Variants in ATP13A5 observed in about 807,000 individuals in gnomAD.
The protein encoded by ATP13A5 is probable cation-transporting ATPase 13A5.
Under a neutral mutation model 150.2 loss-of-function variants are expected in ATP13A5, and 149 were observed. That is an observed-to-expected ratio of 0.99 (90% CI 0.87 to 1.14). The LOEUF (loss-of-function observed/expected upper bound fraction) is 1.14. Ranked by LOEUF, ATP13A5 falls within the 50% of genes most tolerant of loss-of-function variation. ATP13A5 has a pLI of 0.00. For missense variants in ATP13A5, 1,383 were observed against 1,449.3 expected (o/e 0.95, Z 0.74); for synonymous variants, 497 against 522.2 (o/e 0.95, Z 0.66).
intron 7 of ATP13A5, among the ~76,000 whole-genome samples, chr3:193,348,159 G>A (rs1712421827): frequency 1.3e-5 from 2 of 152,186 alleles, no homozygotes; most frequent in African/African-American, 4.8e-5. Flanking sequence ...GCTAGGAGAA[G>A]GCAAACCCTG....
At chr3:193,344,857 T>C (rs1359714811) in intron 8 of ATP13A5, 146 bp downstream of exon 8, 1 of 766,116 alleles carries the variant, frequency 1.3e-6, no homozygotes, top group Non-Finnish European at 2.2e-6. Context: ...ATTTTCTATC[T>C]TAGAGGGCTT....
At chr3:193,313,765 G>A (rs1457194359) in intron 19 of ATP13A5, 1 of 384,884 alleles carries the variant, frequency 2.6e-6, no homozygotes, top group Non-Finnish European at 4.7e-6. Context: ...CTGCACACTG[G>A]AATTGCTGGG....
chr3:193,315,610 T>C (rs1412020708), intron 17 of ATP13A5, among the ~76,000 whole-genome samples: 2 of 152,208 alleles, frequency 1.3e-5, no homozygotes, highest in African/African-American at 2.4e-5. Context: ...TTGAAAGTGA[T>C]GGCTTATAGT....
chr3:193,375,541 A>G (rs1016846371), intron 1 of ATP13A5, among the ~76,000 whole-genome samples: 8 of 152,196 alleles, frequency 5.3e-5, no homozygotes, highest in African/African-American at 1.9e-4. Context: ...GCAGGTGAAG[A>G]AAAGGAACCT....
chr3:193,303,009 C>T (rs1428525905), intron 23 of ATP13A5, among the ~76,000 whole-genome samples: 2 of 152,136 alleles, frequency 1.3e-5, no homozygotes, highest in Non-Finnish European at 2.9e-5. Flanking sequence ...TGCACTGGGC[C>T]ACATGCATGA....
At chr3:193,375,209 CAGAAGATATGTTT>C (rs771291273) in intron 1 of ATP13A5, among the ~76,000 whole-genome samples, 2 of 152,156 alleles carry the variant, frequency 1.3e-5, no homozygotes, top group Non-Finnish European at 2.9e-5. Flanking sequence ...ATACCTACTG[CAGAAGATATGTTT>C]AGAAAAGCTG....
intron 17 of ATP13A5, among the ~76,000 whole-genome samples, chr3:193,315,701 G>T (rs1030509237): frequency 6.6e-6 from 1 of 152,102 alleles, no homozygotes. Context: ...AAGTAAATTT[G>T]GGGGCCAAGA....
chr3:193,313,991 A>C (rs1718947756), intron 19 of ATP13A5, 42 bp downstream of exon 19: 1 of 1,602,190 alleles, frequency 6.2e-7, no homozygotes, highest in South Asian at 1.1e-5. Context: ...ACTGTATTCC[A>C]TCAGTCTAGG....
intron 21 of ATP13A5, among the ~76,000 whole-genome samples, chr3:193,308,740 G>C (rs923462912): frequency 3.3e-5 from 5 of 152,194 alleles, no homozygotes; most frequent in South Asian, 4.1e-4. Flanking sequence ...ATGTTGAGAA[G>C]ACAGCTCATT....
chr3:193,362,678 A>G, intron 3 of ATP13A5, 41 bp from the exon 4 acceptor site: 4 of 1,587,878 alleles, frequency 2.5e-6, no homozygotes, highest in East Asian at 2.2e-5. Flanking sequence ...CATTCACAGC[A>G]TAAAGCTCAC....
chr3:193,303,077 T>C (rs1303912302), intron 23 of ATP13A5, among the ~76,000 whole-genome samples: 1 of 152,194 alleles, frequency 6.6e-6, no homozygotes, highest in Non-Finnish European at 1.5e-5. Context: ...GTAGGCACTT[T>C]GCACTGTTAT....
At chr3:193,320,384 T>C (rs984312249) in intron 16 of ATP13A5, among the ~76,000 whole-genome samples, 4 of 152,136 alleles carry the variant, frequency 2.6e-5, no homozygotes, top group African/African-American at 9.7e-5. Context: ...CTGAAGATAG[T>C]ATTAGCGTAA....
chr3:193,291,193 G>A (rs2108828695), intron 25 of ATP13A5, among the ~76,000 whole-genome samples: 1 of 135,106 alleles, frequency 7.4e-6, no homozygotes, highest in East Asian at 2.1e-4. Context: ...GGTACCCAAA[G>A]GCCCTTTCAA....
intron 16 of ATP13A5, among the ~76,000 whole-genome samples, chr3:193,320,170 C>A (rs1719208291): frequency 6.6e-6 from 1 of 152,194 alleles, no homozygotes; most frequent in Admixed American, 6.5e-5. Flanking sequence ...TTCTCCCTTC[C>A]ACTTCCATGT....
intron 23 of ATP13A5, 25 bp downstream of exon 23, chr3:193,305,534 G>C: frequency 6.4e-7 from 1 of 1,570,050 alleles, no homozygotes; most frequent in East Asian, 2.2e-5. Context: ...TGATTGTAGG[G>C]CTGGAAGAGG....
chr3:193,311,764 C>T (rs201979611), intron 20 of ATP13A5, 52 bp downstream of exon 20: 65 of 1,602,544 alleles, frequency 4.1e-5, no homozygotes, highest in East Asian at 2.7e-4. Flanking sequence ...CTCCTCCTTT[C>T]GCCTCGCTGA....
At chr3:193,354,753 T>C (rs928452185) in intron 5 of ATP13A5, among the ~76,000 whole-genome samples, 7 of 152,130 alleles carry the variant, frequency 4.6e-5, no homozygotes, top group African/African-American at 7.2e-5. Context: ...AATACATATG[T>C]GCATTACAAC....
intron 9 of ATP13A5, among the ~76,000 whole-genome samples, chr3:193,341,049 T>C (rs1478405602): frequency 6.6e-6 from 1 of 152,104 alleles, no homozygotes; most frequent in Admixed American, 6.5e-5. Flanking sequence ...CCCACTCTAA[T>C]AGAGTTGCAG....
intron 9 of ATP13A5, among the ~76,000 whole-genome samples, chr3:193,342,097 C>G (rs1712151728): frequency 1.3e-5 from 2 of 152,182 alleles, no homozygotes; most frequent in South Asian, 4.1e-4. Flanking sequence ...GGTATTCTAA[C>G]AGCTCCTAGT....
Sources: allele counts gnomAD v4.1 joint callset (sites outside exome capture counted in the v4.1 genomes callset), GRCh38; gene constraint gnomAD v4.1.1; transcripts MANE v1.5; gene names NCBI Gene and HGNC (gene_info 2026-07-23, HGNC 2026-07-21).